The following ENPP3 variants were observed in gnomAD, a reference collection of about 807,000 sequenced individuals.
The protein encoded by ENPP3 is ectonucleotide pyrophosphatase/phosphodiesterase family member 3.
ENPP3 carries 104 observed loss-of-function variants against 117.8 expected under a neutral mutation model. The ratio of observed to expected loss-of-function variants is 0.88; its 90% CI spans 0.75 to 1.04. The LOEUF (loss-of-function observed/expected upper bound fraction) is 1.04. ENPP3 is among the 50% of genes least tolerant of loss of function. The pLI is 0.00. For synonymous variants in ENPP3, 380 were observed against 349.9 expected (o/e 1.09, Z -0.96); for missense variants, 1,026 against 1,051.9 (o/e 0.98, Z 0.34).
At chr6:131,737,477 T>C in intron 22 of ENPP3, 45 bp downstream of exon 22, 4 of 1,041,430 alleles carry the variant, frequency 3.8e-6, no homozygotes, top group South Asian at 1.4e-5. Context: ...GTTAAGTGAC[T>C]CCTTGAACTT....
At chr6:131,722,590 T>C (rs184913815) in intron 18 of ENPP3, among the ~76,000 whole-genome samples, 185 bp downstream of exon 18, 1 of 152,280 alleles carries the variant, frequency 6.6e-6, no homozygotes, top group East Asian at 1.9e-4. Context: ...CATTGTAAGA[T>C]TAAGTAGGGA....
intron 24 of ENPP3, among the ~76,000 whole-genome samples, chr6:131,744,420 A>G (rs2114588156): frequency 6.6e-6 from 1 of 152,342 alleles, no homozygotes; most frequent in East Asian, 1.9e-4. Context: ...GGTGTGAAAT[A>G]CAATTGCCAA....
intron 12 of ENPP3, 46 bp from the exon 13 acceptor site, chr6:131,685,318 C>T (rs766623085): frequency 6.6e-7 from 1 of 1,508,970 alleles, no homozygotes; most frequent in South Asian, 1.2e-5. Context: ...CAACCGTTGC[C>T]ATTTATATAC....
rs750259882 is a variant in ENPP3 at position 131,675,118 on chromosome 6, T to C, written c.801T>C (p.Ala267=). ...LTAMYQGLKA[A]TYFWPGSEVA... The stretch of plus-strand genomic sequence containing the variant: ...CAATGTATCAAGGTTTAAAAGCCGC[T>C]ACCTACTTTTGGCCCGGATCAGAAG... Residue 267 remains alanine (A), a synonymous_variant, in exon 9 of 25, where the codon GCT becomes GCC. Transcript: ENST00000357639. 5.6e-6 allele frequency: 9 copies of C among 1,613,896 alleles called. 1 individual carries two copies. The South Asian group carries it at 9.9e-5, about 18-fold the overall frequency.
At chr6:131,637,852 T>A (rs1777958142) in intron 1 of ENPP3, among the ~76,000 whole-genome samples, 1 of 152,166 alleles carries the variant, frequency 6.6e-6, no homozygotes, top group Non-Finnish European at 1.5e-5. Context: ...CTATTTTACT[T>A]CACTCCTAGA....
chr6:131,669,655 C>CAAAAAAAA (rs67597128), intron 6 of ENPP3, among the ~76,000 whole-genome samples: 87 of 61,624 alleles, frequency 1.4e-3, no homozygotes, highest in Admixed American at 1.9e-3. Flanking sequence ...GACTCCATCT[C>CAAAAAAAA]AAAAAAAAAA....
chr6:131,721,800 G>A (rs1034555288), intron 17 of ENPP3, among the ~76,000 whole-genome samples: 2 of 152,182 alleles, frequency 1.3e-5, no homozygotes, highest in Admixed American at 1.3e-4. Context: ...ATATGCTTAC[G>A]AAACAAAGTG....
At chr6:131,665,374 T>C (rs986581622) in intron 6 of ENPP3, among the ~76,000 whole-genome samples, 2 of 152,166 alleles carry the variant, frequency 1.3e-5, no homozygotes, top group Admixed American at 6.5e-5. Context: ...CATCTGGTCC[T>C]GGTCTTTTTC....
intron 23 of ENPP3, among the ~76,000 whole-genome samples, chr6:131,739,873 C>T (rs1780489251): frequency 6.6e-6 from 1 of 150,410 alleles, no homozygotes; most frequent in East Asian, 2.0e-4. Flanking sequence ...GAGTTTAAGA[C>T]CAGCTTGGGC....
intron 15 of ENPP3, among the ~76,000 whole-genome samples, chr6:131,711,398 A>G (rs1318223487): frequency 6.9e-6 from 1 of 144,050 alleles, no homozygotes; most frequent in Non-Finnish European, 1.5e-5. Context: ...TGGTTTTGGT[A>G]GTTTTCTTTG....
At chr6:131,688,660 G>A (rs1779208364) in intron 14 of ENPP3, among the ~76,000 whole-genome samples, 1 of 152,168 alleles carries the variant, frequency 6.6e-6, no homozygotes, top group South Asian at 2.1e-4. Context: ...AGAGCAAGAC[G>A]CTAACTCTTT....
intron 14 of ENPP3, among the ~76,000 whole-genome samples, chr6:131,689,094 C>A (rs961383924): frequency 6.6e-6 from 1 of 151,884 alleles, no homozygotes; most frequent in African/African-American, 2.4e-5. Context: ...AAAGAAGAAG[C>A]CTTCTCCATA....
At chr6:131,694,213 A>T (rs79866819) in intron 15 of ENPP3, among the ~76,000 whole-genome samples, 3,146 of 152,256 alleles carry the variant, frequency 0.021, 105 homozygotes, top group African/African-American at 0.073. Context: ...ATTAGACATT[A>T]TGACTCACTC....
At chr6:131,691,310 C>T (rs1301213944) in intron 14 of ENPP3, among the ~76,000 whole-genome samples, 1 of 152,012 alleles carries the variant, frequency 6.6e-6, no homozygotes, top group African/African-American at 2.4e-5. Context: ...CAAAAACGGC[C>T]GGGCGCGGTG....
intron 16 of ENPP3, among the ~76,000 whole-genome samples, chr6:131,719,456 C>G (rs987307414): frequency 6.7e-6 from 1 of 150,078 alleles, no homozygotes; most frequent in East Asian, 2.0e-4. Context: ...TGTATTAGGC[C>G]TTTTATGAAT....
intron 6 of ENPP3, among the ~76,000 whole-genome samples, chr6:131,667,216 C>T (rs539806948): frequency 1.3e-5 from 2 of 151,944 alleles, no homozygotes; most frequent in African/African-American, 4.8e-5. Context: ...TACATCAAAC[C>T]GGTGTGTTTT....
In ENPP3 at chr6:131,746,841, G is replaced by A. The variant is rs779707369; in HGVS notation, c.2513G>A (p.Arg838Gln). The A allele has an allele frequency of 4.2e-5, 67 of 1,612,886 alleles. No individual in the cohort carries two copies. Among genetic ancestry groups the A allele is most frequent in the East Asian group, 1.6e-4 (7 of 44,806 alleles). ...VEERFTAHIA[R>Q]VRDVELLTGL... ...GAAAGATTTACAGCTCACATTGCCC[G>A]GGTCCGTGATGTAGAACTTCTCACT... is the stretch of plus-strand genomic sequence containing the variant. The change falls in exon 25 of 25, where the codon CGG (arginine) becomes CAG (glutamine). Residue 838 changes from arginine (R) to glutamine (Q), a missense_variant. By Grantham distance (43) the Arg-to-Gln change is conservative. Coordinates refer to ENST00000357639, the MANE Select transcript of ENPP3 (RefSeq NM_005021.5).
At chr6:131,663,680 C>A (rs1020161445) in intron 6 of ENPP3, among the ~76,000 whole-genome samples, 1 of 147,016 alleles carries the variant, frequency 6.8e-6, no homozygotes, top group Non-Finnish European at 1.5e-5. Context: ...GGTAACAGAG[C>A]GAGTTCTTGT....
intron 6 of ENPP3, among the ~76,000 whole-genome samples, chr6:131,660,504 A>G (rs1778476493): frequency 6.6e-6 from 1 of 152,248 alleles, no homozygotes; most frequent in Non-Finnish European, 1.5e-5. Flanking sequence ...GAAACTGTCA[A>G]GTGGGATAGA....
Sources: allele counts gnomAD v4.1 joint callset (sites outside exome capture counted in the v4.1 genomes callset), GRCh38; gene constraint gnomAD v4.1.1; transcripts MANE v1.5; gene names NCBI Gene and HGNC (gene_info 2026-07-23, HGNC 2026-07-21).